The following TULP3 variants were observed in gnomAD, a reference collection of about 807,000 sequenced individuals.
TULP3 encodes the protein tubby-related protein 3.
TULP3 carries 38 observed loss-of-function variants against 50.7 expected under a neutral mutation model. The ratio of observed to expected loss-of-function variants is 0.75; its 90% CI spans 0.58 to 0.98. The LOEUF is 0.98. Ranked by LOEUF, TULP3 falls within the 50% of genes least tolerant of loss-of-function variation. TULP3 has a pLI of 0.00. For missense variants in TULP3, 550 were observed against 568.0 expected, an observed-to-expected ratio of 0.97 and a Z score of 0.32; for synonymous variants, 183 against 196.6, an observed-to-expected ratio of 0.93 and a Z score of 0.58.
At chr12:2,896,096 A>T (rs990485148) in intron 1 of TULP3, among the ~76,000 whole-genome samples, 1 of 152,062 alleles carries the variant, frequency 6.6e-6, no homozygotes, top group Non-Finnish European at 1.5e-5. Flanking sequence ...GTGCACCACC[A>T]TGCCCAGCTA....
rs142402471 is a variant in TULP3 at position 2,931,157 on chromosome 12, C to T, written c.613C>T (p.Arg205Trp). 6.5e-5 allele frequency: 105 copies of T among 1,614,068 alleles called. No homozygotes were observed. The East Asian group carries it at 2.2e-3, about 34-fold the overall frequency. The change falls in exon 6 of 11, where the codon CGG becomes TGG. Residue 205 changes from arginine to tryptophan, a missense_variant. Transcript: ENST00000448120. ...PAPQGVTVRC[R>W]IIRDKRGMDR... ...CCCTCAAGGTGTCACAGTAAGATGT[C>T]GGATAATCCGGGATAAAAGGGGAAT...
At chr12:2,899,930 T>TG (rs2098178094) in intron 1 of TULP3, among the ~76,000 whole-genome samples, 1 of 144,932 alleles carries the variant, frequency 6.9e-6, no homozygotes, top group African/African-American at 2.6e-5. Context: ...AAAAAAAACT[T>TG]GGAGACGGCT....
chr12:2,929,886 G>A (rs2098196942), intron 4 of TULP3, among the ~76,000 whole-genome samples: 1 of 152,046 alleles, frequency 6.6e-6, no homozygotes, highest in African/African-American at 2.4e-5. Context: ...ACCGCGCCCA[G>A]CCTGCCCTGC....
intron 4 of TULP3, among the ~76,000 whole-genome samples, chr12:2,929,999 T>C (rs2153950158): frequency 6.6e-6 from 1 of 152,318 alleles, no homozygotes; most frequent in South Asian, 2.1e-4. Flanking sequence ...CCAGAACTTT[T>C]TCATCATCCC....
chr12:2,938,054 A>ACCT lies in TULP3; in HGVS notation c.1024-59_1024-57dup, dbSNP rs1478927931. 1.9e-6 allele frequency: 3 copies of ACCT among 1,582,408 alleles called. No homozygotes were observed. In the East Asian group the frequency reaches 6.7e-5, roughly 35 times the overall value. ...AATGGAGAAAGTATTCTCCTACTCT[A>ACCT]CCTTCTACCTCGTAGAGTTGGAGTT... On this transcript the variant is annotated intron_variant, in intron 9 of 10. Transcript: ENST00000448120.
chr12:2,930,412 T>G (rs2098197291), intron 5 of TULP3, 67 bp downstream of exon 5: 1 of 995,058 alleles, frequency 1.0e-6, no homozygotes, highest in Admixed American at 2.7e-5. Context: ...TCTTCAGTAT[T>G]TATTTATTTA....
intron 1 of TULP3, among the ~76,000 whole-genome samples, chr12:2,896,959 A>G (rs192626878): frequency 1.1e-4 from 17 of 152,356 alleles, no homozygotes; most frequent in Non-Finnish European, 2.5e-4. Flanking sequence ...CTTAAGTGCA[A>G]CTAGCAGAGT....
At chr12:2,892,439 A>C (rs925317371) in intron 1 of TULP3, among the ~76,000 whole-genome samples, 6 of 140,314 alleles carry the variant, frequency 4.3e-5, no homozygotes, top group African/African-American at 1.7e-4. Context: ...CAGATGTTTG[A>C]TATGACTCAG....
chr12:2,925,391 C>T (rs1391927969), intron 4 of TULP3, among the ~76,000 whole-genome samples: 1 of 152,064 alleles, frequency 6.6e-6, no homozygotes, highest in African/African-American at 2.4e-5. Context: ...AGGGGAGATG[C>T]AGAATTGCTC....
At position 2,939,467 on chromosome 12, in the gene TULP3, C is replaced by T; in HGVS notation, c.*23C>T. On this transcript the variant is annotated 3_prime_UTR_variant, in exon 11 of 11. Transcript: ENST00000448120. This position sits in a 1 kb window ranked among gnomAD's most constrained non-coding sequence, Gnocchi z 4.0. ...TGAGAGAACAGTCAGGCAGGGAGCC[C>T]TTCTCCCCACAGAGCTTTCAGGAGC... is the stretch of plus-strand genomic sequence containing the variant. The T allele has an allele frequency of 1.9e-6, 3 of 1,613,164 alleles. No homozygotes were observed. Among genetic ancestry groups the T allele is most frequent in the Non-Finnish European group, 2.5e-6 (3 of 1,179,670 alleles).
chr12:2,931,479 G>A (rs886893811), intron 6 of TULP3, among the ~76,000 whole-genome samples: 8 of 152,192 alleles, frequency 5.3e-5, no homozygotes, highest in African/African-American at 1.2e-4. Flanking sequence ...GAAAATGGAC[G>A]GGTAGTTGTT....
At chr12:2,918,547 C>CT (rs1056024572) in intron 2 of TULP3, among the ~76,000 whole-genome samples, 13 of 150,058 alleles carry the variant, frequency 8.7e-5, no homozygotes, top group Admixed American at 1.3e-4. Context: ...AGGCAAGTTA[C>CT]TTTTTTTTTT....
Position 2,940,593 on chromosome 12 carries a change from C to T in TULP3, c.*1149C>T, listed in dbSNP as rs1457040122. The T allele has an allele frequency of 6.4e-7, 1 of 1,551,628 alleles. No homozygotes were observed. The highest frequency in any genetic ancestry group is 1.4e-5 in the African/African-American group (1 of 73,058). On this transcript the variant is annotated 3_prime_UTR_variant, in exon 11 of 11. Transcript: ENST00000448120. Reference sequence around the variant, plus strand: ...CTCCACCGTCAGCACCATTCAGCTGCATCCCTTGTGCACAGAACTGTTTGC... The same window carrying T: ...CTCCACCGTCAGCACCATTCAGCTGTATCCCTTGTGCACAGAACTGTTTGC...
chr12:2,939,190 C>A lies in TULP3; in HGVS notation c.1196-121C>A. The A allele has an allele frequency of 8.9e-7, 1 of 1,119,820 alleles. No homozygotes were observed. The highest frequency in any genetic ancestry group is 1.3e-6 in the Non-Finnish European group (1 of 777,046). 69.4% of individuals were successfully genotyped at this position (1,119,820 alleles called of 1,614,324 possible). A position where few individuals can be genotyped will look rare whatever the true frequency, so the allele number is the denominator to read the frequency against. On this transcript the variant is annotated intron_variant, in intron 10 of 10. Coordinates refer to ENST00000448120, the MANE Select transcript of TULP3 (RefSeq NM_003324.5). This position sits in a 1 kb window ranked among gnomAD's most constrained non-coding sequence, Gnocchi z 4.0. ...AGGCTGCAGTGAGCTGTGGTCATTC[C>A]ACTAGGCTCCAGCCAGGGCGACAGA... is the stretch of plus-strand genomic sequence containing the variant.
chr12:2,934,370 A>G (rs544367192), intron 7 of TULP3, 77 bp from the exon 8 acceptor site: 4 of 950,004 alleles, frequency 4.2e-6, no homozygotes, highest in South Asian at 2.7e-5. Context: ...ATAGGCTTCC[A>G]TTTTCCTTCT....
intron 8 of TULP3, among the ~76,000 whole-genome samples, chr12:2,936,983 G>A (rs953704166): frequency 3.7e-4 from 56 of 151,000 alleles, no homozygotes; most frequent in African/African-American, 1.3e-3. Flanking sequence ...GGTGGCATGC[G>A]CCTGTAGTCC....
At chr12:2,900,178 G>A (rs749269688) in intron 1 of TULP3, among the ~76,000 whole-genome samples, 66 of 152,064 alleles carry the variant, frequency 4.3e-4, no homozygotes, top group Non-Finnish European at 6.2e-4. Flanking sequence ...AGCCGAGATC[G>A]CGCCACTGTA....
Position 2,927,872 on chromosome 12 carries a change from A to G in TULP3, c.395-2376A>G, listed in dbSNP as rs190800584. Reference sequence around the variant, plus strand: ...TCAGTGAGGGGTAACTTCACCCCGCAGATACTAGACACAAGGGAATTTAGT... The same window carrying G: ...TCAGTGAGGGGTAACTTCACCCCGCGGATACTAGACACAAGGGAATTTAGT... On this transcript the variant is annotated intron_variant, in intron 4 of 10. Transcript: ENST00000448120. Among the ~76,000 whole-genome samples, 945 of 152,230 alleles carry G rather than the reference A, an allele frequency of 6.2e-3. 7 individuals are homozygous for G. Among genetic ancestry groups the G allele is most frequent in the Middle Eastern group, 0.01 (3 of 294 alleles).
rs1218944541 is a variant in TULP3 at position 2,940,319 on chromosome 12, G to C, written c.*875G>C. ...ATGGCAGTATTGACCATTTAGTTTA[G>C]TTAAAAAAAAAAAAAAAAAGGTGGC... On this transcript the variant is annotated 3_prime_UTR_variant, in exon 11 of 11. Transcript: ENST00000448120. 3 of 1,320,016 alleles carry C rather than the reference G, an allele frequency of 2.3e-6. No homozygotes were observed. Among genetic ancestry groups the C allele is most frequent in the Non-Finnish European group, 2.9e-6 (3 of 1,026,052 alleles). The allele number at this position is 1,320,016 out of a possible 1,614,324, so 81.8% of individuals were successfully genotyped here. A position where few individuals can be genotyped will look rare whatever the true frequency, so the allele number is the denominator to read the frequency against.
Sources: allele counts gnomAD v4.1 joint callset (sites outside exome capture counted in the v4.1 genomes callset), GRCh38; gene constraint gnomAD v4.1.1; non-coding constraint Gnocchi (gnomAD v3.1); transcripts MANE v1.5; gene names NCBI Gene and HGNC (gene_info 2026-07-23, HGNC 2026-07-21).